The following CD109 variants were observed in gnomAD, a reference collection of about 807,000 sequenced individuals.
CD109 encodes CD109 molecule.
A neutral mutation model predicts 165.8 loss-of-function variants in CD109; 149 were observed. That is an observed-to-expected ratio of 0.90 (90% CI 0.79 to 1.03). The LOEUF (loss-of-function observed/expected upper bound fraction) is 1.03, where lower values mean the gene tolerates loss of function less well. Ranked by LOEUF, CD109 falls within the 50% of genes least tolerant of loss-of-function variation. CD109 has a pLI of 0.00. For missense variants in CD109, 1,712 were observed against 1,677.8 expected (o/e 1.02, Z -0.36); for synonymous variants, 585 against 592.1 (o/e 0.99, Z 0.18).
chr6:73,790,092 A>G (rs1774864904), intron 22 of CD109, among the ~76,000 whole-genome samples: 1 of 124,008 alleles, frequency 8.1e-6, no homozygotes, highest in Non-Finnish European at 1.7e-5. Flanking sequence ...TTACCATGCT[A>G]AAAGTCCTTT....
At chr6:73,807,982 C>T in intron 25 of CD109, 101 bp from the exon 26 acceptor site, 1 of 1,022,556 alleles carries the variant, frequency 9.8e-7, no homozygotes, top group Non-Finnish European at 1.4e-6. Flanking sequence ...TTCATAGACA[C>T]TGAACTTATT....
the CD109 span, among the ~76,000 whole-genome samples, chr6:73,689,461 C>T: frequency 6.6e-6 from 1 of 152,218 alleles, no homozygotes; most frequent in Non-Finnish European, 1.5e-5. Flanking sequence ...ATTGCTTGGT[C>T]AGCATGGGAG....
chr6:73,718,085 C>T (rs1263269127), intron 2 of CD109, among the ~76,000 whole-genome samples: 2 of 151,748 alleles, frequency 1.3e-5, no homozygotes, highest in Admixed American at 6.6e-5. Context: ...GGAGGAGGGC[C>T]AGATCACTTG....
intron 5 of CD109, among the ~76,000 whole-genome samples, chr6:73,737,003 G>A (rs1488329913): frequency 6.6e-6 from 1 of 152,056 alleles, no homozygotes; most frequent in Admixed American, 6.6e-5. Context: ...AACTTGTATA[G>A]CTCTGAAATC....
At position 73,697,412 on chromosome 6, in the gene CD109, G is replaced by A. The variant is rs377176113; in HGVS notation, c.87G>A (p.Leu29=). ...ALAVAPGPRF[L]VTAPGIIRPG... ...GGGAACTCTTTAGGCCTCGGTTTCT[G>A]GTGACAGCCCCAGGGATCATCAGGC... The change falls in exon 2 of 33, where the codon CTG becomes CTA. Residue 29 remains leucine (L), a synonymous_variant. Transcript: ENST00000287097. 5.8e-5 allele frequency: 94 copies of A among 1,613,796 alleles called. No individual in the cohort carries two copies. Among genetic ancestry groups the A allele is most frequent in the Non-Finnish European group, 7.8e-5 (92 of 1,179,966 alleles).
Position 73,766,763 on chromosome 6 carries a change from A to T in CD109, c.1337A>T (p.Tyr446Phe), listed in dbSNP as rs1381925785. ...EDSSELQLKA[Y>F]FLGSKSSMAV... ...CTCCTTTTTCTTTTATTATAGGCCT[A>T]TTTCCTTGGTAGTAAAAGTAGCATG... The change falls in exon 12 of 33, where the codon TAT becomes TTT. Residue 446 changes from tyrosine (Y) to phenylalanine (F), a missense_variant. Physicochemically the swap from Tyr to Phe is conservative, Grantham distance 22. Transcript: ENST00000287097. 6.2e-7 allele frequency: 1 copy of T among 1,608,350 alleles called. No individual in the cohort carries two copies.
At chr6:73,781,122 G>C (rs1286397727) in intron 16 of CD109, 137 bp from the exon 17 acceptor site, 2 of 627,874 alleles carry the variant, frequency 3.2e-6, no homozygotes, top group Non-Finnish European at 2.8e-6. Context: ...AGACAGAAAG[G>C]TTGAATGTAT....
intron 2 of CD109, among the ~76,000 whole-genome samples, chr6:73,710,891 G>C (rs778215732): frequency 6.6e-6 from 1 of 152,122 alleles, no homozygotes; most frequent in Non-Finnish European, 1.5e-5. Flanking sequence ...AGCTGTAGAC[G>C]GTTCATAAAC....
At chr6:73,715,196 G>A (rs755731401) in intron 2 of CD109, among the ~76,000 whole-genome samples, 1 of 152,160 alleles carries the variant, frequency 6.6e-6, no homozygotes, top group African/African-American at 2.4e-5. Flanking sequence ...GGAGGTGGAG[G>A]TTGCAGTGAG....
At chr6:73,716,254 C>T (rs181154820) in intron 2 of CD109, among the ~76,000 whole-genome samples, 1 of 152,318 alleles carries the variant, frequency 6.6e-6, no homozygotes, top group East Asian at 1.9e-4. Flanking sequence ...GTGCAGATAG[C>T]TCTTTGATAT....
At chr6:73,785,220 G>C in intron 19 of CD109, 144 bp from the exon 20 acceptor site, 1 of 623,322 alleles carries the variant, frequency 1.6e-6, no homozygotes, top group Non-Finnish European at 2.8e-6. Flanking sequence ...GTGATAAGTT[G>C]CTGTTTGCTT....
Position 73,823,738 on chromosome 6 carries a change from T to A in CD109, c.*105T>A, listed in dbSNP as rs1776183708. ...GCTTCTATTTTGAAAAAAGAGTTTT[T>A]TTTCTTTCTATGGGGTTGCAGGGAT... On this transcript the variant is annotated 3_prime_UTR_variant, in exon 33 of 33. Transcript: ENST00000287097. The A allele has an allele frequency of 2.6e-6, 3 of 1,137,368 alleles. No homozygotes were observed. Among genetic ancestry groups the A allele is most frequent in the Non-Finnish European group, 3.7e-6 (3 of 805,394 alleles). 70.5% of individuals were successfully genotyped at this position (1,137,368 alleles called of 1,614,324 possible). A position where few individuals can be genotyped will look rare whatever the true frequency, so the allele number is the denominator to read the frequency against.
At chr6:73,715,191 T>C (rs1256699362) in intron 2 of CD109, among the ~76,000 whole-genome samples, 4 of 151,672 alleles carry the variant, frequency 2.6e-5, no homozygotes, top group African/African-American at 4.9e-5. Context: ...ACCCGGGAGG[T>C]GGAGGTTGCA....
chr6:73,726,179 C>T (rs975120678), intron 3 of CD109, among the ~76,000 whole-genome samples: 1 of 152,162 alleles, frequency 6.6e-6, no homozygotes, highest in East Asian at 1.9e-4. Flanking sequence ...AATTATTTTT[C>T]AGGTCTTTAT....
intron 21 of CD109, among the ~76,000 whole-genome samples, 188 bp downstream of exon 21, chr6:73,787,640 T>C (rs1296273296): frequency 1.3e-5 from 2 of 152,190 alleles, no homozygotes; most frequent in Non-Finnish European, 2.9e-5. Flanking sequence ...GCCAATTTCC[T>C]CTTTAAATTT....
the CD109 span, among the ~76,000 whole-genome samples, chr6:73,685,574 A>C: frequency 6.6e-6 from 1 of 152,166 alleles, no homozygotes; most frequent in African/African-American, 2.4e-5. Flanking sequence ...TTATTTCAAT[A>C]GTTTTTGGGG....
chr6:73,758,848 G>A, intron 6 of CD109, 96 bp from the exon 7 acceptor site: 2 of 698,828 alleles, frequency 2.9e-6, no homozygotes, highest in Non-Finnish European at 5.1e-6. Flanking sequence ...ATTTTATTCA[G>A]TGGAAGATGA....
At chr6:73,745,111 T>C (rs1391026490) in intron 5 of CD109, among the ~76,000 whole-genome samples, 1 of 152,202 alleles carries the variant, frequency 6.6e-6, no homozygotes, top group Admixed American at 6.5e-5. Flanking sequence ...TATTTATTTA[T>C]TTATTTTTGA....
intron 6 of CD109, among the ~76,000 whole-genome samples, chr6:73,758,386 T>A (rs1232563981): frequency 6.6e-6 from 1 of 152,116 alleles, no homozygotes; most frequent in Admixed American, 6.5e-5. Context: ...TATACCTTAA[T>A]TATTATTATT....
Sources: allele counts gnomAD v4.1 joint callset (sites outside exome capture counted in the v4.1 genomes callset), GRCh38; gene constraint gnomAD v4.1.1; transcripts MANE v1.5; gene names NCBI Gene and HGNC (gene_info 2026-07-23, HGNC 2026-07-21).